TUBGCP5: variants seen among roughly 807,000 people sequenced by gnomAD.
The protein encoded by TUBGCP5 is tubulin gamma complex component 5.
TUBGCP5 carries 98 observed loss-of-function variants against 134.7 expected under a neutral mutation model. That is an observed-to-expected ratio of 0.73 (90% CI 0.62 to 0.86). TUBGCP5 has a LOEUF of 0.86. Ranked by LOEUF, TUBGCP5 falls within the 40% of genes least tolerant of loss-of-function variation. TUBGCP5 has a pLI of 0.00. For synonymous variants in TUBGCP5, 456 were observed against 431.4 expected (o/e 1.06, Z -0.71); for missense variants, 1,150 against 1,244.8 (o/e 0.92, Z 1.15).
intron 11 of TUBGCP5, among the ~76,000 whole-genome samples, chr15:23,020,233 C>G (rs2065591460): frequency 1.3e-5 from 2 of 151,884 alleles, no homozygotes; most frequent in South Asian, 4.2e-4. Flanking sequence ...ATGGTGAAAC[C>G]CCATCTCTAT....
chr15:23,024,093 C>T lies in TUBGCP5; in HGVS notation c.1022G>A (p.Ser341Asn), dbSNP rs1449884016. The T allele has an allele frequency of 1.2e-6, 2 of 1,614,066 alleles. No homozygotes were observed. The highest frequency in any genetic ancestry group is 1.6e-4 in the Middle Eastern group (1 of 6,084). Residue 341 changes from serine (S) to asparagine (N), a missense_variant, in exon 10 of 23, where the codon AGC (serine) becomes AAC (asparagine). Physicochemically the swap from Ser to Asn is conservative, Grantham distance 46 (BLOSUM62 1). This residue lies in a region of TUBGCP5 where 697 missense variants were observed against 850.1 expected (regional missense o/e 0.82). Transcript: ENST00000615383. ...AACAGACCCACTTCCAGGCAGCATGCTCTCAGAACTGTGTCCCATGACTTC... is the reference window on the plus strand; with the variant it reads ...AACAGACCCACTTCCAGGCAGCATGTTCTCAGAACTGTGTCCCATGACTTC... ...IDEVMGHSSE[S>N]MLPGSGSVPK...
intron 10 of TUBGCP5, chr15:23,023,544 G>A (rs1195090151): frequency 6.0e-6 from 1 of 166,598 alleles, no homozygotes; most frequent in Non-Finnish European, 1.3e-5. Context: ...ATATATGTAT[G>A]GTATTATCCT....
Position 23,025,724 on chromosome 15 carries a change from G to A in TUBGCP5, c.827+392C>T, listed in dbSNP as rs568441650. On this transcript the variant is annotated intron_variant, in intron 8 of 22. Transcript: ENST00000615383. ...TGGGTTCCTGTAGTCCCAGCTACTC[G>A]GGAGGCTGAGGCAGGAGAATGGCGT... Among the ~76,000 whole-genome samples, 415 of 151,892 alleles carry A rather than the reference G, an allele frequency of 2.7e-3. 1 individual carries two copies. Among genetic ancestry groups the A allele is most frequent in the Non-Finnish European group, 4.7e-3 (318 of 67,918 alleles).
At chr15:23,005,754 T>G in intron 18 of TUBGCP5, 144 bp from the exon 19 acceptor site, 1 of 872,172 alleles carries the variant, frequency 1.1e-6, no homozygotes, top group Non-Finnish European at 1.7e-6. Flanking sequence ...CGAACCTCAG[T>G]GCCTCTGGAA....
chr15:22,987,898 A>C (rs2063726421), intron 23 of TUBGCP5, among the ~76,000 whole-genome samples: 1 of 136,494 alleles, frequency 7.3e-6, no homozygotes, highest in Non-Finnish European at 1.6e-5. Context: ...TCCATCTCAA[A>C]AAAAAAAAAA....
At chr15:22,994,979 C>T (rs1270022155), downstream of TUBGCP5, among the ~76,000 whole-genome samples, 1 of 152,136 alleles carries the variant, frequency 6.6e-6, no homozygotes, top group East Asian at 1.9e-4. Context: ...GGCAGTGGCT[C>T]ATGCCTGTAA....
At chr15:23,021,566 AACTCTGT>A (rs2065697671) in intron 11 of TUBGCP5, among the ~76,000 whole-genome samples, 3 of 152,144 alleles carry the variant, frequency 2.0e-5, no homozygotes, top group Admixed American at 1.3e-4. Context: ...ATAAAACTGA[AACTCTGT>A]ACCCATTAAA....
At chr15:22,988,708 C>T (rs901265105) in intron 23 of TUBGCP5, among the ~76,000 whole-genome samples, 57 of 148,366 alleles carry the variant, frequency 3.8e-4, no homozygotes, top group African/African-American at 1.3e-3. Context: ...TGCACTCCAG[C>T]CTGGACGACA....
intron 23 of TUBGCP5, among the ~76,000 whole-genome samples, chr15:22,992,051 T>C (rs970577707): frequency 2.0e-5 from 3 of 152,156 alleles, no homozygotes; most frequent in African/African-American, 7.2e-5. Flanking sequence ...TGGTCTCTCT[T>C]AGTCATTTAC....
intron 6 of TUBGCP5, among the ~76,000 whole-genome samples, chr15:23,028,938 T>C (rs1256210969): frequency 2.0e-5 from 3 of 152,178 alleles, no homozygotes; most frequent in Admixed American, 2.0e-4. Context: ...TTATGAGAAT[T>C]CAGTAAAAAT....
At chr15:23,032,618 C>A in intron 4 of TUBGCP5, 110 bp downstream of exon 4, 1 of 691,042 alleles carries the variant, frequency 1.4e-6, no homozygotes. Context: ...AATAGAAATA[C>A]TTTAGTTTCA....
At chr15:23,032,518 GTTGA>G (rs1338493114) in intron 4 of TUBGCP5, among the ~76,000 whole-genome samples, 1 of 152,094 alleles carries the variant, frequency 6.6e-6, no homozygotes, top group Non-Finnish European at 1.5e-5. Flanking sequence ...TTGATCTGTA[GTTGA>G]TTGAATCTGT....
chr15:23,016,969 G>GAGATATATATATATATATATATATATAT (rs1555439437), intron 13 of TUBGCP5, among the ~76,000 whole-genome samples: 2 of 109,392 alleles, frequency 1.8e-5, no homozygotes, highest in South Asian at 3.2e-4. Context: ...AAAATTGTGA[G>GAGATATATATATATATATATATATATAT]ATATATATAT....
In TUBGCP5 at chr15:23,010,082, T is replaced by A. The variant is rs765307174; in HGVS notation, c.2007A>T (p.Val669=). ...DFHEKFAGGD[V]CVDRSSESVT... ...CAGATTCCGATGATCTATCCACACATACATCACCACCAGCAAACTTCTCGT... is the reference window on the plus strand; with the variant it reads ...CAGATTCCGATGATCTATCCACACAAACATCACCACCAGCAAACTTCTCGT... The change falls in exon 15 of 23, where the codon GTA becomes GTT. Residue 669 remains valine (V), a synonymous_variant. Transcript: ENST00000615383. 6.2e-7 allele frequency: 1 copy of A among 1,614,160 alleles called. No individual in the cohort carries two copies.
intron 16 of TUBGCP5, 60 bp from the exon 17 acceptor site, chr15:23,006,412 T>C (rs1328561615): frequency 1.5e-5 from 17 of 1,156,768 alleles, no homozygotes; most frequent in Non-Finnish European, 2.0e-5. Flanking sequence ...AAAATGCTCT[T>C]TTAAAATAAT....
At chr15:23,033,488 A>G (rs967854877) in intron 3 of TUBGCP5, among the ~76,000 whole-genome samples, 3 of 152,188 alleles carry the variant, frequency 2.0e-5, no homozygotes, top group African/African-American at 7.2e-5. Context: ...CATGTTGGCC[A>G]GGATGGTCTC....
At chr15:23,012,749 C>T (rs1275210730) in intron 13 of TUBGCP5, among the ~76,000 whole-genome samples, 2 of 152,130 alleles carry the variant, frequency 1.3e-5, no homozygotes, top group Non-Finnish European at 2.9e-5. Context: ...CTGAACTGCT[C>T]ATAAGAAATT....
At chr15:23,022,560 A>G (rs1319103262) in intron 10 of TUBGCP5, among the ~76,000 whole-genome samples, 6 of 152,250 alleles carry the variant, frequency 3.9e-5, no homozygotes, top group Non-Finnish European at 2.9e-5. Flanking sequence ...CTGCACAAGC[A>G]AGCTCCTGGG....
chr15:23,035,451 TG>T (rs1246487638), intron 3 of TUBGCP5, among the ~76,000 whole-genome samples: 3 of 147,796 alleles, frequency 2.0e-5, no homozygotes, highest in Non-Finnish European at 4.5e-5. Context: ...GGGTGGGGGT[TG>T]GTTTCAAGGA....
Sources: gnomAD v4.1 joint callset for allele counts (sites outside exome capture counted in the v4.1 genomes callset) on GRCh38, gnomAD v4.1.1 for gene constraint, gnomAD v4.1.1 regional missense constraint, MANE v1.5 for transcripts, NCBI Gene and HGNC (gene_info 2026-07-23, HGNC 2026-07-21) for gene names.